Variants in FRMD5 observed in about 807,000 individuals in gnomAD.
FRMD5 encodes FERM domain containing 5.
A neutral mutation model predicts 69.0 loss-of-function variants in FRMD5; 20 were observed. The ratio of observed to expected loss-of-function variants is 0.29; its 90% confidence interval spans 0.20 to 0.42. The LOEUF is 0.42. Ranked by LOEUF, FRMD5 falls within the 10% of genes least tolerant of loss-of-function variation. The pLI, the probability that FRMD5 is intolerant of heterozygous loss-of-function variation, is 1.00. For synonymous variants in FRMD5, 271 were observed against 260.1 expected, an observed-to-expected ratio of 1.04 and a Z score of -0.40; for missense variants, 595 against 708.6, an observed-to-expected ratio of 0.84 and a Z score of 1.82.
intron 1 of FRMD5, chr15:43,988,949 CAAACAAAACA>C (rs1269165279): frequency 5.1e-6 from 3 of 590,860 alleles, no homozygotes; most frequent in African/African-American, 3.7e-5. Context: ...TGAGTCGAGC[CAAACAAAACA>C]AAACAAAATA....
chr15:43,874,149 A>G lies in FRMD5; in HGVS notation c.1449T>C (p.Cys483=). 1 of 1,614,226 alleles carries G rather than the reference A, an allele frequency of 6.2e-7. No individual in the cohort carries two copies. The highest frequency in any genetic ancestry group is 1.3e-5 in the African/African-American group (1 of 75,062). ...EALGGELRAL[C]QGHSGPEEEQ... ...CCTCCTCGGGCCCGCTGTGCCCCTG[A>G]CACAGGGCCCTCAGCTCTCCCCCAA... The change falls in exon 14 of 14, where the codon TGT becomes TGC. Residue 483 remains cysteine, a synonymous_variant. Transcript: ENST00000417257.
At chr15:44,063,722 G>A (rs975172322) in intron 1 of FRMD5, 12 of 325,776 alleles carry the variant, frequency 3.7e-5, no homozygotes, top group African/African-American at 2.5e-4. Flanking sequence ...GTCATCAATG[G>A]AAATGCCATC....
At chr15:44,067,618 T>C (rs982657402) in intron 1 of FRMD5, among the ~76,000 whole-genome samples, 2 of 152,164 alleles carry the variant, frequency 1.3e-5, no homozygotes, top group African/African-American at 4.8e-5. Context: ...ACAAGCCCCT[T>C]GAGCCTCTTT....
At chr15:44,177,321 A>T (rs970706428) in intron 1 of FRMD5, among the ~76,000 whole-genome samples, 1 of 152,256 alleles carries the variant, frequency 6.6e-6, no homozygotes, top group African/African-American at 2.4e-5. Context: ...TGAAATGTCC[A>T]TCAACTGATG....
At chr15:43,900,723 T>G (rs1402537519) in intron 7 of FRMD5, among the ~76,000 whole-genome samples, 1 of 151,912 alleles carries the variant, frequency 6.6e-6, no homozygotes, top group African/African-American at 2.4e-5. Context: ...GTTCATGCGA[T>G]TCTCCTGCCT....
chr15:44,162,622 C>T (rs1004683952), intron 1 of FRMD5, among the ~76,000 whole-genome samples: 7 of 151,992 alleles, frequency 4.6e-5, no homozygotes, highest in Non-Finnish European at 1.0e-4. Context: ...GATCCCAGCA[C>T]TTTGGGAGGC....
chr15:44,051,139 CTTTTTTTTTTTT>C (rs779951038), intron 1 of FRMD5, among the ~76,000 whole-genome samples: 36 of 78,394 alleles, frequency 4.6e-4, no homozygotes, highest in Non-Finnish European at 7.5e-4. Context: ...CATTCAGTCA[CTTTTTTTTTTTT>C]TTTTTTTTTT....
chr15:43,993,120 T>C (rs1445712166), intron 1 of FRMD5, among the ~76,000 whole-genome samples: 2 of 152,196 alleles, frequency 1.3e-5, no homozygotes, highest in African/African-American at 4.8e-5. Flanking sequence ...AAAAGATATT[T>C]GATATGATTT....
chr15:43,933,711 C>G (rs899509809), intron 1 of FRMD5, among the ~76,000 whole-genome samples: 11 of 152,224 alleles, frequency 7.2e-5, no homozygotes, highest in African/African-American at 2.4e-4. Flanking sequence ...AGAAACACTG[C>G]TTCTTCCTAC....
Position 44,195,152 on chromosome 15 carries a change from C to G in FRMD5, c.-98G>C, listed in dbSNP as rs535331870. 5.5e-6 allele frequency: 5 copies of G among 901,384 alleles called. No homozygotes were observed. In the Admixed American group the frequency reaches 1.2e-4, roughly 21 times the overall value. The allele number at this position is 901,384 out of a possible 1,614,324, so 55.8% of individuals were successfully genotyped here. On this transcript the variant is annotated 5_prime_UTR_variant, in exon 1 of 14. Coordinates refer to ENST00000417257, the MANE Select transcript of FRMD5 (RefSeq NM_032892.5). ...GCTCCGCACCGACCCCAGGCACCTG[C>G]ACCATCACCCCGGCCCCGTCGCTGC...
chr15:44,051,810 G>A (rs2140349041), intron 1 of FRMD5, among the ~76,000 whole-genome samples: 1 of 152,090 alleles, frequency 6.6e-6, no homozygotes, highest in South Asian at 2.1e-4. Flanking sequence ...TGAGCTTATA[G>A]GTTTTTATAA....
chr15:43,881,666 G>C (rs974053874), intron 13 of FRMD5, among the ~76,000 whole-genome samples: 3 of 152,144 alleles, frequency 2.0e-5, no homozygotes, highest in Non-Finnish European at 4.4e-5. Flanking sequence ...AAGTACTTCC[G>C]CACATATTAG....
chr15:44,117,066 T>C (rs1011219382), intron 1 of FRMD5, among the ~76,000 whole-genome samples: 9 of 150,472 alleles, frequency 6.0e-5, no homozygotes, highest in African/African-American at 1.5e-4. Flanking sequence ...GATCGCACCA[T>C]TGCACTCCAG....
intron 1 of FRMD5, among the ~76,000 whole-genome samples, chr15:44,078,516 T>G (rs571377472): frequency 1.3e-5 from 2 of 152,240 alleles, no homozygotes; most frequent in African/African-American, 4.8e-5. Flanking sequence ...CATTTCCTGA[T>G]TTCAAAACTT....
rs2088201126 is a variant in FRMD5, at chr15:43,872,991, C to T, written c.*894G>A. 1 of 588,208 alleles carries T rather than the reference C, an allele frequency of 1.7e-6. No individual in the cohort carries two copies. Among genetic ancestry groups the T allele is most frequent in the African/African-American group, 1.9e-5 (1 of 53,924 alleles). The allele number at this position is 588,208 out of a possible 1,614,324, so 36.4% of individuals were successfully genotyped here. On this transcript the variant is annotated 3_prime_UTR_variant, in exon 14 of 14. Transcript: ENST00000417257. Reference sequence around the variant, plus strand: ...TTAACTCTGCTTTCTCTTAACTACACTTTGTCCAACATTTCTGACAGAACT... The same window carrying T: ...TTAACTCTGCTTTCTCTTAACTACATTTTGTCCAACATTTCTGACAGAACT...
At chr15:44,101,167 CA>C (rs1229698633) in intron 1 of FRMD5, among the ~76,000 whole-genome samples, 1 of 149,486 alleles carries the variant, frequency 6.7e-6, no homozygotes, top group Admixed American at 6.7e-5. Flanking sequence ...AAACAACAAA[CA>C]AACAGAAAAG....
intron 1 of FRMD5, among the ~76,000 whole-genome samples, chr15:44,023,660 C>G (rs1241844270): frequency 6.6e-6 from 1 of 152,178 alleles, no homozygotes; most frequent in African/African-American, 2.4e-5. Context: ...CACATTCCCA[C>G]CAGTGATCCT....
chr15:43,980,481 T>C (rs938260446), intron 1 of FRMD5, among the ~76,000 whole-genome samples: 1 of 152,228 alleles, frequency 6.6e-6, no homozygotes, highest in Non-Finnish European at 1.5e-5. Context: ...ACCATTTAAG[T>C]CATTTGATCT....
At chr15:43,895,635 T>C (rs1022271504) in intron 7 of FRMD5, among the ~76,000 whole-genome samples, 2 of 152,228 alleles carry the variant, frequency 1.3e-5, no homozygotes, top group African/African-American at 2.4e-5. Flanking sequence ...CAATCTCATA[T>C]GAAGAGAGCA....
Sources: allele counts gnomAD v4.1 joint callset (sites outside exome capture counted in the v4.1 genomes callset), GRCh38; gene constraint gnomAD v4.1.1; transcripts MANE v1.5; gene names NCBI Gene and HGNC (gene_info 2026-07-23, HGNC 2026-07-21).